Variants in CDH12 observed in about 807,000 individuals in gnomAD.
The protein encoded by CDH12 is cadherin-12.
CDH12 carries 41 observed loss-of-function variants against 74.1 expected under a neutral mutation model. The observed-to-expected ratio is 0.55, with a 90% CI of 0.43 to 0.72. The LOEUF (loss-of-function observed/expected upper bound fraction) is 0.72, where lower values mean the gene tolerates loss of function less well. Among genes scored for constraint, CDH12 ranks in the 30% least tolerant of loss-of-function variants. The pLI is 0.00. For missense variants in CDH12, 945 were observed against 977.2 expected, an observed-to-expected ratio of 0.97 and a Z score of 0.44; for synonymous variants, 399 against 355.0, an observed-to-expected ratio of 1.12 and a Z score of -1.39.
At chr5:21,819,176 A>C (rs931712535) in intron 8 of CDH12, among the ~76,000 whole-genome samples, 23 of 152,122 alleles carry the variant, frequency 1.5e-4, no homozygotes, top group African/African-American at 5.1e-4. Flanking sequence ...CATAAGCAGA[A>C]TCTATCATGG....
chr5:22,179,719 T>C (rs999131877), intron 4 of CDH12, among the ~76,000 whole-genome samples: 1 of 152,166 alleles, frequency 6.6e-6, no homozygotes, highest in African/African-American at 2.4e-5. Flanking sequence ...TAAGCAACGA[T>C]TTCAGAAACA....
intron 1 of CDH12, among the ~76,000 whole-genome samples, chr5:22,664,121 T>A (rs1238798882): frequency 1.3e-5 from 2 of 152,236 alleles, no homozygotes; most frequent in African/African-American, 4.8e-5. Flanking sequence ...ATAGGTCTTT[T>A]GTTTTGAATT....
intron 4 of CDH12, among the ~76,000 whole-genome samples, chr5:22,100,688 T>C (rs13158085): frequency 0.056 from 3,746 of 66,638 alleles, 153 homozygotes; most frequent in African/African-American, 0.18. Flanking sequence ...CACACACACA[T>C]ACACTCTTTT....
chr5:22,831,513 C>T (rs1736611388), intron 1 of CDH12, among the ~76,000 whole-genome samples: 1 of 151,780 alleles, frequency 6.6e-6, no homozygotes, highest in Non-Finnish European at 1.5e-5. Flanking sequence ...GCCAGTTCCT[C>T]CTGGATAGAT....
chr5:21,987,542 T>C (rs1241081148), intron 5 of CDH12, among the ~76,000 whole-genome samples: 2 of 152,198 alleles, frequency 1.3e-5, no homozygotes, highest in Non-Finnish European at 2.9e-5. Context: ...CTATTTGGCT[T>C]TCTGTCCATC....
At chr5:22,097,713 C>A (rs1262625363) in intron 4 of CDH12, among the ~76,000 whole-genome samples, 2 of 152,046 alleles carry the variant, frequency 1.3e-5, no homozygotes, top group African/African-American at 4.8e-5. Context: ...CCCCTTGTAT[C>A]TCCCCACCTA....
intron 2 of CDH12, among the ~76,000 whole-genome samples, chr5:22,504,630 A>G (rs1467372618): frequency 6.6e-6 from 1 of 152,098 alleles, no homozygotes; most frequent in African/African-American, 2.4e-5. Flanking sequence ...GTGTCAAAGC[A>G]GCACTTTAAT....
chr5:22,293,758 G>T (rs964466133), intron 3 of CDH12, among the ~76,000 whole-genome samples: 3 of 152,162 alleles, frequency 2.0e-5, no homozygotes, highest in African/African-American at 7.2e-5. Context: ...GGCAAATACT[G>T]CATGATATCA....
At chr5:22,779,758 T>G (rs371998703) in intron 1 of CDH12, among the ~76,000 whole-genome samples, 18 of 152,242 alleles carry the variant, frequency 1.2e-4, no homozygotes, top group African/African-American at 4.1e-4. Flanking sequence ...TGAGCCATGA[T>G]TGTGAGTTTC....
intron 6 of CDH12, among the ~76,000 whole-genome samples, chr5:21,933,410 T>C (rs995198481): frequency 6.6e-6 from 1 of 152,132 alleles, no homozygotes; most frequent in African/African-American, 2.4e-5. Context: ...ATGATATTTT[T>C]TAGTATTCCA....
chr5:22,468,938 T>C (rs1745847090), intron 2 of CDH12, among the ~76,000 whole-genome samples: 1 of 152,218 alleles, frequency 6.6e-6, no homozygotes. Context: ...CACAATTGAA[T>C]ATTTTTAACT....
intron 1 of CDH12, among the ~76,000 whole-genome samples, chr5:22,672,121 A>AT (rs386403267): frequency 7.9e-6 from 1 of 126,018 alleles, no homozygotes; most frequent in Non-Finnish European, 1.7e-5. Context: ...ATAAATATAT[A>AT]TTATTTTATA....
chr5:22,231,446 G>A (rs2150375146), intron 3 of CDH12, among the ~76,000 whole-genome samples: 1 of 151,998 alleles, frequency 6.6e-6, no homozygotes, highest in Admixed American at 6.5e-5. Context: ...GGGATTTTAT[G>A]TTTAATACTA....
chr5:21,943,502 A>G (rs568101427), intron 6 of CDH12, among the ~76,000 whole-genome samples: 38 of 152,170 alleles, frequency 2.5e-4, no homozygotes, highest in Non-Finnish European at 5.1e-4. Context: ...GTTTCAATCA[A>G]TTAAACTTTT....
At chr5:22,563,285 G>A (rs1200611288) in intron 1 of CDH12, among the ~76,000 whole-genome samples, 2 of 152,000 alleles carry the variant, frequency 1.3e-5, no homozygotes, top group Admixed American at 6.6e-5. Flanking sequence ...ACTGAGGTGA[G>A]ATAAAATCTC....
rs572522172 is a variant in CDH12, at chr5:22,738,676, AT to A, written c.-523+114381del. Among the ~76,000 whole-genome samples the A allele has an allele frequency of 3.5e-4, 53 of 152,208 alleles. 1 individual carries two copies. The highest frequency in any genetic ancestry group is 1.3e-3 in the African/African-American group (52 of 41,550). ...GTCATAATTCATATAAAAACAATAT[AT>A]TTCTTTTACCACAAATATGCTAAAA... is the stretch of plus-strand genomic sequence containing the variant. On this transcript the variant is annotated intron_variant, in intron 1 of 14. Coordinates refer to ENST00000382254, the MANE Select transcript of CDH12 (RefSeq NM_004061.5).
chr5:22,035,660 GA>G lies in CDH12; in HGVS notation c.231+42785del, dbSNP rs556682711. ...CAATTTAGAATGTAATATTGGTGAA[GA>G]AAAAAAACTTTTATGAAGAGGTTTA... On this transcript the variant is annotated intron_variant, in intron 5 of 14. Coordinates refer to ENST00000382254, the MANE Select transcript of CDH12 (RefSeq NM_004061.5). Among the ~76,000 whole-genome samples, 12 of 148,544 alleles carry G rather than the reference GA, an allele frequency of 8.1e-5. No individual in the cohort carries two copies. In the East Asian group the frequency reaches 1.8e-3, roughly 22 times the overall value.
At chr5:22,220,516 AT>A (rs751460078) in intron 3 of CDH12, among the ~76,000 whole-genome samples, 3 of 151,010 alleles carry the variant, frequency 2.0e-5, no homozygotes, top group Middle Eastern at 3.2e-3. Context: ...GAGAAACTAA[AT>A]TTTTTTTTCT....
intron 1 of CDH12, among the ~76,000 whole-genome samples, chr5:22,601,292 T>C (rs175090): frequency 0.34 from 51,391 of 151,826 alleles, 9,170 homozygotes; most frequent in African/African-American, 0.44. Context: ...TTAAGCCTAG[T>C]ACACATTAGT....
Sources: allele counts gnomAD v4.1 joint callset (sites outside exome capture counted in the v4.1 genomes callset), GRCh38; gene constraint gnomAD v4.1.1; transcripts MANE v1.5; gene names NCBI Gene and HGNC (gene_info 2026-07-23, HGNC 2026-07-21).